CHST11: variants seen among roughly 807,000 people sequenced by gnomAD.
CHST11 encodes the protein C4S-1.
A neutral mutation model predicts 30.4 loss-of-function variants in CHST11; 9 were observed. That is an observed-to-expected ratio of 0.30 (90% confidence interval 0.18 to 0.52). CHST11 has a LOEUF of 0.52. Among genes scored for constraint, CHST11 ranks in the 20% least tolerant of loss-of-function variants. The probability of loss-of-function intolerance (pLI) is 0.97; values close to 1 mark genes in which losing one functional copy is unlikely to be tolerated. For synonymous variants in CHST11, 152 were observed against 187.8 expected, an observed-to-expected ratio of 0.81 and a Z score of 1.56; for missense variants, 348 against 460.6, an observed-to-expected ratio of 0.76 and a Z score of 2.24.
intron 2 of CHST11, among the ~76,000 whole-genome samples, chr12:104,606,939 G>A (rs1391159871): frequency 6.6e-6 from 1 of 151,978 alleles, no homozygotes; most frequent in South Asian, 2.1e-4. Flanking sequence ...ATGGTGGCTC[G>A]TGCCTGTAAT....
chr12:104,645,656 A>T (rs1266968979), intron 2 of CHST11, among the ~76,000 whole-genome samples: 3 of 81,170 alleles, frequency 3.7e-5, no homozygotes, highest in African/African-American at 9.1e-5. Flanking sequence ...CTTCCCCCCC[A>T]CCCTCCCCTT....
chr12:104,621,224 A>G (rs1428761692), intron 2 of CHST11, among the ~76,000 whole-genome samples: 2 of 152,200 alleles, frequency 1.3e-5, no homozygotes, highest in African/African-American at 4.8e-5. Flanking sequence ...GCCTAGGCAA[A>G]GGATCTGTTT....
chr12:104,617,462 G>A (rs1005867741), intron 2 of CHST11, among the ~76,000 whole-genome samples: 1 of 152,186 alleles, frequency 6.6e-6, no homozygotes, highest in Admixed American at 6.5e-5. Context: ...AATACCTGGT[G>A]CAGCAAATCT....
At chr12:104,588,801 C>T (rs78066759) in intron 1 of CHST11, 6,104 of 152,386 alleles carry the variant, frequency 0.04, 239 homozygotes, top group African/African-American at 0.098. Context: ...TGTTGCTCCA[C>T]GTCCCAGCAA....
At chr12:104,475,341 G>C (rs548135562) in intron 1 of CHST11, among the ~76,000 whole-genome samples, 2 of 152,092 alleles carry the variant, frequency 1.3e-5, no homozygotes, top group South Asian at 2.1e-4. Context: ...TATAATAATG[G>C]CTGTGGGTGG....
intron 1 of CHST11, 127 bp from the exon 2 acceptor site, chr12:104,601,779 C>T: frequency 1.4e-6 from 1 of 698,238 alleles, no homozygotes; most frequent in Non-Finnish European, 2.4e-6. Context: ...GGAAATCTTC[C>T]TTTGCTAGAA....
intron 2 of CHST11, among the ~76,000 whole-genome samples, chr12:104,656,411 C>T (rs1368038986): frequency 2.0e-5 from 3 of 152,186 alleles, no homozygotes; most frequent in Non-Finnish European, 4.4e-5. Flanking sequence ...CTGGGTCTGT[C>T]TTCACAGACT....
intron 1 of CHST11, among the ~76,000 whole-genome samples, chr12:104,474,869 G>A (rs923307036): frequency 1.3e-5 from 2 of 152,160 alleles, no homozygotes; most frequent in African/African-American, 4.8e-5. Context: ...CCTCTAAGCC[G>A]AAGCATGGGG....
At chr12:104,741,744 C>T (rs1343430990) in intron 2 of CHST11, among the ~76,000 whole-genome samples, 3 of 152,140 alleles carry the variant, frequency 2.0e-5, no homozygotes, top group Middle Eastern at 3.2e-3. Flanking sequence ...CTGCAGAACC[C>T]GCTCATGTAA....
chr12:104,472,399 A>G (rs2037519283), intron 1 of CHST11, among the ~76,000 whole-genome samples: 1 of 152,048 alleles, frequency 6.6e-6, no homozygotes, highest in Non-Finnish European at 1.5e-5. Context: ...ATACACACAC[A>G]CACACACACA....
At chr12:104,550,702 G>A (rs560531201) in intron 1 of CHST11, among the ~76,000 whole-genome samples, 91 of 152,324 alleles carry the variant, frequency 6.0e-4, no homozygotes, top group African/African-American at 2.1e-3. Flanking sequence ...AAGTCAGTGT[G>A]CTGTTTGGCT....
intron 2 of CHST11, among the ~76,000 whole-genome samples, chr12:104,715,527 C>T (rs1466367524): frequency 6.6e-6 from 1 of 152,206 alleles, no homozygotes; most frequent in African/African-American, 2.4e-5. Flanking sequence ...ATCCTCCCAG[C>T]GATACGGAGG....
chr12:104,725,233 C>T (rs936118737), intron 2 of CHST11, among the ~76,000 whole-genome samples: 9 of 152,190 alleles, frequency 5.9e-5, no homozygotes, highest in African/African-American at 1.7e-4. Flanking sequence ...GCATAGCAAG[C>T]GTTGTGTTCG....
chr12:104,518,978 T>C (rs539819807), intron 1 of CHST11, among the ~76,000 whole-genome samples: 32 of 150,050 alleles, frequency 2.1e-4, no homozygotes, highest in Admixed American at 1.2e-3. Context: ...TTCTTTCTTT[T>C]TTTTTTTTTT....
chr12:104,584,004 C>T (rs2038776058), intron 1 of CHST11, among the ~76,000 whole-genome samples: 2 of 151,528 alleles, frequency 1.3e-5, no homozygotes, highest in South Asian at 2.1e-4. Flanking sequence ...TGAGCCACCG[C>T]ACCCCGTCCA....
chr12:104,653,166 C>T (rs953204209), intron 2 of CHST11, among the ~76,000 whole-genome samples: 7 of 152,238 alleles, frequency 4.6e-5, no homozygotes, highest in African/African-American at 1.7e-4. Flanking sequence ...TGCCCGCCAG[C>T]CTCTCGTAAC....
intron 2 of CHST11, among the ~76,000 whole-genome samples, chr12:104,622,840 T>C (rs570541934): frequency 1.3e-5 from 2 of 152,274 alleles, no homozygotes; most frequent in Non-Finnish European, 2.9e-5. Flanking sequence ...AGTGTGTAAT[T>C]GCGTATTAGC....
chr12:104,530,900 T>C (rs2038177029), intron 1 of CHST11, among the ~76,000 whole-genome samples: 1 of 152,244 alleles, frequency 6.6e-6, no homozygotes, highest in Non-Finnish European at 1.5e-5. Context: ...GATTTAGATG[T>C]TTCGCAGGAG....
intron 1 of CHST11, among the ~76,000 whole-genome samples, chr12:104,558,292 G>A (rs375404178): frequency 2.6e-5 from 4 of 152,036 alleles, no homozygotes; most frequent in African/African-American, 7.3e-5. Flanking sequence ...TCTTGAAACC[G>A]AGCCCCTAGC....
Sources: gnomAD v4.1 joint callset for allele counts (sites outside exome capture counted in the v4.1 genomes callset) on GRCh38, gnomAD v4.1.1 for gene constraint, MANE v1.5 for transcripts, NCBI Gene and HGNC (gene_info 2026-07-23, HGNC 2026-07-21) for gene names.